CPA6: variants seen among roughly 807,000 people sequenced by gnomAD.
CPA6 encodes the protein carboxypeptidase A6.
CPA6 carries 58 observed loss-of-function variants against 63.3 expected under a neutral mutation model. That is an observed-to-expected ratio of 0.92 (90% CI 0.74 to 1.14). The LOEUF is 1.14. Among genes scored for constraint, CPA6 ranks in the 50% most tolerant of loss-of-function variants. The pLI is 0.00. For synonymous variants in CPA6, 185 were observed against 179.0 expected (o/e 1.03, Z -0.27); for missense variants, 565 against 526.6 (o/e 1.07, Z -0.71).
chr8:67,676,777 T>C (rs1816483304), intron 1 of CPA6, among the ~76,000 whole-genome samples: 1 of 152,210 alleles, frequency 6.6e-6, no homozygotes, highest in Non-Finnish European at 1.5e-5. Flanking sequence ...CCCCCATTCA[T>C]TTATAAAAGT....
intron 1 of CPA6, among the ~76,000 whole-genome samples, chr8:67,724,911 C>A (rs1817569113): frequency 6.6e-6 from 1 of 152,176 alleles, no homozygotes; most frequent in Admixed American, 6.5e-5. Context: ...AGACTCATCC[C>A]CCAATTTTTG....
chr8:67,521,453 C>A (rs975281344), intron 2 of CPA6, among the ~76,000 whole-genome samples: 3 of 152,188 alleles, frequency 2.0e-5, no homozygotes, highest in African/African-American at 7.2e-5. Flanking sequence ...ACCCAGCAGG[C>A]TTTCTTGGAG....
intron 1 of CPA6, among the ~76,000 whole-genome samples, chr8:67,730,568 A>G (rs1030776116): frequency 2.6e-5 from 4 of 152,180 alleles, no homozygotes; most frequent in Admixed American, 1.3e-4. Flanking sequence ...ATGGGGCTGA[A>G]AGTCCCAAAC....
In CPA6 at chr8:67,570,110, C is replaced by T. The variant is rs187285802; in HGVS notation, c.193-52063G>A. ...TCTGAAAACAAGAACTTTTTTTTTT[C>T]GGTGTTTCAAAAGAGTAACTGCAGC... On this transcript the variant is annotated intron_variant, in intron 2 of 10. Coordinates refer to ENST00000297770, the MANE Select transcript of CPA6 (RefSeq NM_020361.5). 1.6e-3 allele frequency: 238 copies of T among 151,102 alleles called. 1 individual carries two copies. The highest frequency in any genetic ancestry group is 5.1e-3 in the African/African-American group (210 of 41,216). The allele number at this position is 151,102 out of a possible 1,614,324, so 9.4% of individuals were successfully genotyped here.
At chr8:67,507,522 C>A (rs1405589527) in intron 5 of CPA6, among the ~76,000 whole-genome samples, 1 of 152,008 alleles carries the variant, frequency 6.6e-6, no homozygotes, top group African/African-American at 2.4e-5. Flanking sequence ...AATAGGAGAT[C>A]CTGACATTAT....
At position 67,475,916 on chromosome 8, in the gene CPA6, TTCTTTC is replaced by T. The variant is rs1563968218; in HGVS notation, c.838+7846_838+7851del. 3.9e-5 allele frequency among the ~76,000 whole-genome samples: 4 copies of T among 101,936 alleles called. No individual in the cohort carries two copies. The South Asian group carries it at 8.8e-4, about 22-fold the overall frequency. The allele number at this position is 101,936 out of a possible 152,430, so 66.9% of individuals were successfully genotyped here. On this transcript the variant is annotated intron_variant, in intron 8 of 10. Coordinates refer to ENST00000297770, the MANE Select transcript of CPA6 (RefSeq NM_020361.5). ...TTTCTTTCTTTCTTTCTTTCTTTCT[TTCTTTC>T]TTTCTTTCTTTCTCTTTCTTTCTCT...
chr8:67,597,766 A>G (rs1394910091), intron 2 of CPA6, among the ~76,000 whole-genome samples: 1 of 152,228 alleles, frequency 6.6e-6, no homozygotes, highest in Non-Finnish European at 1.5e-5. Flanking sequence ...CCAGTAGCTT[A>G]GTAGGCTTAA....
intron 10 of CPA6, 118 bp downstream of exon 10, chr8:67,427,929 T>A (rs1284186826): frequency 1.6e-6 from 1 of 636,928 alleles, no homozygotes; most frequent in Non-Finnish European, 2.7e-6. Context: ...TCAGCTAATT[T>A]GATAGTCAAA....
At chr8:67,642,155 TA>T (rs1200098700) in intron 1 of CPA6, among the ~76,000 whole-genome samples, 4 of 152,092 alleles carry the variant, frequency 2.6e-5, no homozygotes, top group Non-Finnish European at 4.4e-5. Context: ...CCAACTGTAC[TA>T]AAAATACAAG....
intron 1 of CPA6, among the ~76,000 whole-genome samples, chr8:67,716,662 A>G (rs1289753892): frequency 1.3e-5 from 2 of 152,218 alleles, no homozygotes; most frequent in South Asian, 2.1e-4. Context: ...GGCAAATTGA[A>G]AGGGAGGTGT....
chr8:67,662,300 T>A (rs376460260), intron 1 of CPA6, among the ~76,000 whole-genome samples: 144 of 152,260 alleles, frequency 9.5e-4, no homozygotes, highest in African/African-American at 3.2e-3. Flanking sequence ...TCCATCCCAA[T>A]TCTGTCTCCA....
At chr8:67,427,743 GT>G (rs759197901) in intron 10 of CPA6, among the ~76,000 whole-genome samples, 2 of 152,122 alleles carry the variant, frequency 1.3e-5, no homozygotes, top group Non-Finnish European at 2.9e-5. Context: ...CCTTGTAGTA[GT>G]TAGAATTGCT....
Position 67,702,480 on chromosome 8 carries a change from G to A in CPA6, c.116+43534C>T, listed in dbSNP as rs569735822. On this transcript the variant is annotated intron_variant, in intron 1 of 10. Transcript: ENST00000297770. Reference sequence around the variant, plus strand: ...GAGATGGTCAGGTGGTGGTTAAAAAGTCTCTGTAAAATAATAATTGGTTGC... The same window carrying A: ...GAGATGGTCAGGTGGTGGTTAAAAAATCTCTGTAAAATAATAATTGGTTGC... Among the ~76,000 whole-genome samples, 3 of 152,214 alleles carry A rather than the reference G, an allele frequency of 2.0e-5. No homozygotes were observed. The East Asian group carries it at 5.8e-4, about 29-fold the overall frequency.
At chr8:67,647,192 G>A (rs927835612) in intron 1 of CPA6, among the ~76,000 whole-genome samples, 13 of 152,190 alleles carry the variant, frequency 8.5e-5, no homozygotes, top group African/African-American at 3.1e-4. Flanking sequence ...GACCACAGGA[G>A]AGGGAGGAAA....
chr8:67,564,307 A>G (rs1464086572), intron 2 of CPA6, among the ~76,000 whole-genome samples: 1 of 151,988 alleles, frequency 6.6e-6, no homozygotes, highest in Non-Finnish European at 1.5e-5. Flanking sequence ...TCTGCCTGTG[A>G]TGCTCCTAAA....
Position 67,573,023 on chromosome 8 carries a change from G to T in CPA6, c.192+51153C>A, listed in dbSNP as rs535284479. 2.6e-5 allele frequency among the ~76,000 whole-genome samples: 4 copies of T among 152,234 alleles called. No homozygotes were observed. The South Asian group carries it at 8.3e-4, about 32-fold the overall frequency. On this transcript the variant is annotated intron_variant, in intron 2 of 10. Coordinates refer to ENST00000297770, the MANE Select transcript of CPA6 (RefSeq NM_020361.5). ...CCATATTAACATAATCAAGGAAAAA[G>T]CATGATTATTTCTTTAAATGCAAAA...
intron 8 of CPA6, among the ~76,000 whole-genome samples, chr8:67,438,487 A>G (rs1810213783): frequency 6.6e-6 from 1 of 152,200 alleles, no homozygotes; most frequent in Non-Finnish European, 1.5e-5. Context: ...TTCCCATTGC[A>G]ATGTGAGTGA....
chr8:67,558,149 G>A (rs962660515), intron 2 of CPA6, among the ~76,000 whole-genome samples: 2 of 152,092 alleles, frequency 1.3e-5, no homozygotes, highest in Non-Finnish European at 2.9e-5. Flanking sequence ...TGGCAAATTC[G>A]CCTTCACACT....
chr8:67,724,308 T>C (rs1817556898), intron 1 of CPA6, among the ~76,000 whole-genome samples: 1 of 152,186 alleles, frequency 6.6e-6, no homozygotes, highest in Admixed American at 6.5e-5. Flanking sequence ...ATGTGGTGTG[T>C]TGCCTTTGGT....
Sources: allele counts gnomAD v4.1 joint callset (sites outside exome capture counted in the v4.1 genomes callset), GRCh38; gene constraint gnomAD v4.1.1; transcripts MANE v1.5; gene names NCBI Gene and HGNC (gene_info 2026-07-23, HGNC 2026-07-21).